ATRNL1: variants seen among roughly 807,000 people sequenced by gnomAD.
ATRNL1 encodes attractin like 1.
ATRNL1 carries 95 observed loss-of-function variants against 182.7 expected under a neutral mutation model. That is an observed-to-expected ratio of 0.52 (90% CI 0.44 to 0.62). The LOEUF (loss-of-function observed/expected upper bound fraction) is 0.62. Among genes scored for constraint, ATRNL1 ranks in the 20% least tolerant of loss-of-function variants. The pLI is 0.00. For missense variants in ATRNL1, 1,471 were observed against 1,679.5 expected (o/e 0.88, Z 2.17); for synonymous variants, 576 against 568.3 (o/e 1.01, Z -0.19).
intron 24 of ATRNL1, among the ~76,000 whole-genome samples, chr10:115,507,478 T>C (rs1395392983): frequency 2.0e-5 from 3 of 152,060 alleles, no homozygotes; most frequent in Admixed American, 1.3e-4. Context: ...AACCTAATAA[T>C]GATAGTACAC....
intron 1 of ATRNL1, among the ~76,000 whole-genome samples, chr10:115,113,680 CT>C (rs1844355033): frequency 6.6e-6 from 1 of 152,212 alleles, no homozygotes; most frequent in Non-Finnish European, 1.5e-5. Flanking sequence ...ATTGTGCATG[CT>C]CCCCAGCCAC....
intron 17 of ATRNL1, among the ~76,000 whole-genome samples, chr10:115,309,676 C>G (rs1391942461): frequency 1.3e-5 from 2 of 151,794 alleles, no homozygotes; most frequent in Non-Finnish European, 2.9e-5. Flanking sequence ...TTTTGGAGGG[C>G]TCTTTAGGGT....
chr10:115,638,891 G>A (rs999252031), intron 26 of ATRNL1, among the ~76,000 whole-genome samples: 1 of 152,090 alleles, frequency 6.6e-6, no homozygotes, highest in Non-Finnish European at 1.5e-5. Flanking sequence ...TATGAACATA[G>A]CATCAGTTCT....
chr10:115,744,646 C>CATA (rs1206311550), intron 27 of ATRNL1, among the ~76,000 whole-genome samples: 2 of 151,984 alleles, frequency 1.3e-5, no homozygotes, highest in South Asian at 4.2e-4. Context: ...CTCTTTTTGC[C>CATA]ATAATATTTG....
chr10:115,643,028 A>G (rs1405552384), intron 26 of ATRNL1, among the ~76,000 whole-genome samples: 3 of 152,204 alleles, frequency 2.0e-5, no homozygotes, highest in Admixed American at 6.5e-5. Flanking sequence ...TGCAATGCAA[A>G]GTATGGCACT....
chr10:115,773,944 A>C (rs77437721), intron 27 of ATRNL1, among the ~76,000 whole-genome samples: 6,397 of 152,254 alleles, frequency 0.042, 373 homozygotes, highest in African/African-American at 0.13. Context: ...TTATGAGGTT[A>C]CACATTATCA....
intron 7 of ATRNL1, among the ~76,000 whole-genome samples, chr10:115,166,051 C>G (rs1325068010): frequency 6.6e-6 from 1 of 152,064 alleles, no homozygotes; most frequent in East Asian, 1.9e-4. Flanking sequence ...GAAGCAATAA[C>G]TTCTCATTCC....
At chr10:115,760,549 A>C (rs1555073317) in intron 27 of ATRNL1, among the ~76,000 whole-genome samples, 2 of 152,160 alleles carry the variant, frequency 1.3e-5, no homozygotes, top group Non-Finnish European at 2.9e-5. Context: ...TATTACCCTG[A>C]TTGAAAGATA....
At chr10:115,876,510 G>A (rs1335995508) in intron 28 of ATRNL1, among the ~76,000 whole-genome samples, 1 of 152,172 alleles carries the variant, frequency 6.6e-6, no homozygotes, top group Non-Finnish European at 1.5e-5. Flanking sequence ...AAGCTTATCT[G>A]AGTCTTTTCC....
rs927811285 is a variant in ATRNL1, at chr10:115,631,065, G to C, written c.3795+81529G>C. ...GACTATGCTTACCAGGGGTGGGGAG[G>C]GGGGTGTGTACGGGAAATGGGGAGA... On this transcript the variant is annotated intron_variant, in intron 26 of 28. Coordinates refer to ENST00000355044, the MANE Select transcript of ATRNL1 (RefSeq NM_207303.4). Among the ~76,000 whole-genome samples, 15 of 149,266 alleles carry C rather than the reference G, an allele frequency of 1.0e-4. No individual in the cohort carries two copies. In the East Asian group the frequency reaches 2.9e-3, roughly 29 times the overall value.
At chr10:115,868,822 C>CTTTTATTTTTTTTTTTTTT (rs1951501068) in intron 28 of ATRNL1, among the ~76,000 whole-genome samples, 1 of 58,084 alleles carries the variant, frequency 1.7e-5, no homozygotes. Flanking sequence ...AGTCTTTATT[C>CTTTTATTTTTTTTTTTTTT]TTTTTTTTTT....
chr10:115,782,485 T>C (rs1294127048), intron 27 of ATRNL1, among the ~76,000 whole-genome samples: 1 of 152,226 alleles, frequency 6.6e-6, no homozygotes, highest in Middle Eastern at 3.2e-3. Context: ...CCTCCTCATT[T>C]TGTTAAACCT....
intron 25 of ATRNL1, among the ~76,000 whole-genome samples, chr10:115,548,232 G>A (rs1465285949): frequency 5.9e-5 from 9 of 152,196 alleles, no homozygotes; most frequent in East Asian, 1.9e-4. Flanking sequence ...TCGATGTGAC[G>A]TACTAGCACA....
intron 25 of ATRNL1, among the ~76,000 whole-genome samples, chr10:115,527,499 T>TA (rs144904248): frequency 1.3e-5 from 2 of 151,852 alleles, no homozygotes; most frequent in Non-Finnish European, 2.9e-5. Context: ...ATAAAACCTG[T>TA]AAAAAATGAT....
At chr10:115,345,564 A>G (rs1272530404) in intron 19 of ATRNL1, among the ~76,000 whole-genome samples, 2 of 152,174 alleles carry the variant, frequency 1.3e-5, no homozygotes, top group Admixed American at 6.5e-5. Context: ...ACCAGGTACT[A>G]TGAGGGCTCA....
intron 13 of ATRNL1, among the ~76,000 whole-genome samples, chr10:115,272,767 A>T (rs1388225622): frequency 2.0e-5 from 3 of 152,200 alleles, no homozygotes; most frequent in Non-Finnish European, 4.4e-5. Context: ...AATCATCAAA[A>T]GCCCATTCCA....
At chr10:115,893,454 C>G (rs529311265) in intron 28 of ATRNL1, among the ~76,000 whole-genome samples, 1 of 152,306 alleles carries the variant, frequency 6.6e-6, no homozygotes, top group Admixed American at 6.5e-5. Flanking sequence ...CATCTAGCTG[C>G]TCCTTCTATA....
At chr10:115,236,965 C>T (rs1850213002) in intron 9 of ATRNL1, among the ~76,000 whole-genome samples, 1 of 152,140 alleles carries the variant, frequency 6.6e-6, no homozygotes, top group Non-Finnish European at 1.5e-5. Context: ...ATACTTTTGC[C>T]TTTTCTAGAA....
chr10:115,690,160 C>T (rs1428624656), intron 26 of ATRNL1, among the ~76,000 whole-genome samples: 1 of 152,098 alleles, frequency 6.6e-6, no homozygotes, highest in Non-Finnish European at 1.5e-5. Context: ...CTTTGTCCCA[C>T]GGATGGTGCG....
Sources: gnomAD v4.1 joint callset for allele counts (sites outside exome capture counted in the v4.1 genomes callset) on GRCh38, gnomAD v4.1.1 for gene constraint, MANE v1.5 for transcripts, NCBI Gene and HGNC (gene_info 2026-07-23, HGNC 2026-07-21) for gene names.